MYO18A: variants seen among roughly 807,000 people sequenced by gnomAD.
MYO18A encodes the protein myosin XVIIIA, also known as unconventional myosin-XVIIIa.
MYO18A carries 78 observed loss-of-function variants against 235.8 expected under a neutral mutation model. That is an observed-to-expected ratio of 0.33 (90% CI 0.28 to 0.40). The LOEUF (loss-of-function observed/expected upper bound fraction) is 0.40. Among genes scored for constraint, MYO18A ranks in the 10% least tolerant of loss-of-function variants. MYO18A has a pLI of 1.00. For synonymous variants in MYO18A, 977 were observed against 1,077.8 expected (o/e 0.91, Z 1.83); for missense variants, 2,215 against 2,699.3 (o/e 0.82, Z 3.98).
At chr17:29,105,651 G>T (rs1413868254) in intron 20 of MYO18A, among the ~76,000 whole-genome samples, 1 of 152,166 alleles carries the variant, frequency 6.6e-6, no homozygotes, top group African/African-American at 2.4e-5. Flanking sequence ...AGATCTGAAG[G>T]CTGGGCATCT....
chr17:29,104,481 G>A (rs1172370271), intron 20 of MYO18A, among the ~76,000 whole-genome samples: 1 of 152,186 alleles, frequency 6.6e-6, no homozygotes, highest in Non-Finnish European at 1.5e-5. Context: ...GGCTTGTGGG[G>A]AGAATGAGTT....
At position 29,098,457 on chromosome 17, in the gene MYO18A, C is replaced by A. The variant is rs776987814; in HGVS notation, c.3781-12G>T. ...TGCTGGATCTCCTCCTAGGGTGGAC[C>A]AAAGAGGGCAAAGTGAGCCAAAGGC... On this transcript the variant is annotated splice_polypyrimidine_tract_variant and intron_variant, in intron 23 of 41. Transcript: ENST00000527372. 5.0e-6 allele frequency: 8 copies of A among 1,613,418 alleles called. No homozygotes were observed. In the South Asian group the frequency reaches 8.8e-5, roughly 18 times the overall value.
intron 7 of MYO18A, 116 bp from the exon 8 acceptor site, chr17:29,119,551 G>GC: frequency 1.8e-6 from 1 of 566,516 alleles, no homozygotes; most frequent in Admixed American, 3.9e-5. Flanking sequence ...ACAAGCAGCT[G>GC]CATTTTTTTT....
At chr17:29,094,159 G>GGC (rs1483260991) in intron 30 of MYO18A, 69 bp from the exon 31 acceptor site, 1 of 1,151,354 alleles carries the variant, frequency 8.7e-7, no homozygotes. Context: ...ACCTGTGCAT[G>GGC]GCTCTCCCTA....
intron 1 of MYO18A, among the ~76,000 whole-genome samples, chr17:29,179,621 C>T (rs1352711497): frequency 6.6e-6 from 1 of 152,172 alleles, no homozygotes; most frequent in East Asian, 1.9e-4. Flanking sequence ...CACCCCACCC[C>T]TCTGCAGGGA....
intron 1 of MYO18A, among the ~76,000 whole-genome samples, chr17:29,175,982 C>T (rs2068516234): frequency 6.6e-6 from 1 of 152,070 alleles, no homozygotes; most frequent in Non-Finnish European, 1.5e-5. Context: ...TGCTTGAACC[C>T]CGGAGGCGGA....
intron 37 of MYO18A, 130 bp downstream of exon 37, chr17:29,089,831 T>G: frequency 1.7e-6 from 2 of 1,211,990 alleles, no homozygotes; most frequent in Non-Finnish European, 2.3e-6. Context: ...GCCCGTCAGC[T>G]GGCCTGGCAG....
At chr17:29,107,246 C>T in intron 19 of MYO18A, 57 bp from the exon 20 acceptor site, 1 of 1,519,828 alleles carries the variant, frequency 6.6e-7, no homozygotes, top group Non-Finnish European at 9.1e-7. Flanking sequence ...CAGCACACCC[C>T]AGTAGCCACT....
At position 29,082,407 on chromosome 17, in the gene MYO18A, C is replaced by T; in HGVS notation, c.5929G>A (p.Glu1977Lys). ...EGDSDVDSELEDRVDGVKSWL... is the reference protein window; with the variant it reads ...EGDSDVDSELKDRVDGVKSWL... ...GACTTGACCCCGTCAACACGGTCCT[C>T]CAGCTCCGAGTCCACATCAGAGTCT... The change falls in exon 41 of 42, where the codon GAG (glutamate) becomes AAG (lysine). Residue 1977 changes from glutamate (E) to lysine (K), a missense_variant. Physicochemically the swap from Glu to Lys is moderately conservative, Grantham distance 56 (BLOSUM62 1). Coordinates refer to ENST00000527372, the MANE Select transcript of MYO18A (RefSeq NM_078471.4). The T allele has an allele frequency of 1.2e-6, 2 of 1,613,684 alleles. No individual in the cohort carries two copies. The highest frequency in any genetic ancestry group is 1.7e-6 in the Non-Finnish European group (2 of 1,179,866).
rs992232785 is a variant in MYO18A, at chr17:29,140,874, T to C, written c.1000-18621A>G. ...AGTGTTCTTGAGAACACCCAAATCA[T>C]AGGCCTACCCTAGCCATCTAATTAC... On this transcript the variant is annotated intron_variant, in intron 2 of 41. Coordinates refer to ENST00000527372, the MANE Select transcript of MYO18A (RefSeq NM_078471.4). This position sits in a 1 kb window ranked among gnomAD's most constrained non-coding sequence, Gnocchi z 4.2. Among the ~76,000 whole-genome samples, 10 of 152,106 alleles carry C rather than the reference T, an allele frequency of 6.6e-5. No homozygotes were observed. The highest frequency in any genetic ancestry group is 1.4e-4 in the African/African-American group (6 of 41,398).
At chr17:29,083,561 A>C (rs1353744005) in intron 40 of MYO18A, among the ~76,000 whole-genome samples, 9 of 98,490 alleles carry the variant, frequency 9.1e-5, no homozygotes, top group East Asian at 1.2e-3. Flanking sequence ...CACACACACG[A>C]AACCAGCAGA....
chr17:29,098,039 G>A, intron 25 of MYO18A, 66 bp downstream of exon 25: 1 of 1,593,722 alleles, frequency 6.3e-7, no homozygotes, highest in Non-Finnish European at 8.5e-7. Context: ...GTCTTTGGGG[G>A]GAGCCAATGG....
Position 29,109,840 on chromosome 17 carries a change from G to A in MYO18A, c.3331+18C>T, listed in dbSNP as rs752336343. On this transcript the variant is annotated intron_variant, in intron 19 of 41. Coordinates refer to ENST00000527372, the MANE Select transcript of MYO18A (RefSeq NM_078471.4). The surrounding 1 kb of genome is among the most constrained non-coding windows in gnomAD (Gnocchi z 4.1). ...TCTGGAAAAGAGAGCCCAGAGTGGA[G>A]AGGAAAGGAGGCCCCACCTTGGCGG... 2 of 1,546,788 alleles carry A rather than the reference G, an allele frequency of 1.3e-6. No individual in the cohort carries two copies. The highest frequency in any genetic ancestry group is 1.4e-5 in the African/African-American group (1 of 72,940).
At position 29,125,702 on chromosome 17, in the gene MYO18A, C is replaced by G. The variant is rs546431015; in HGVS notation, c.1000-3449G>C. On this transcript the variant is annotated intron_variant, in intron 2 of 41. Coordinates refer to ENST00000527372, the MANE Select transcript of MYO18A (RefSeq NM_078471.4). This position sits in a 1 kb window ranked among gnomAD's most constrained non-coding sequence, Gnocchi z 5.1. ...CCTCCCACATGCACAGGACTTTGGG[C>G]TCTCTGGAGGAACCACTCTCCCCAG... Among the ~76,000 whole-genome samples the G allele has an allele frequency of 1.3e-4, 20 of 152,360 alleles. No homozygotes were observed. Among genetic ancestry groups the G allele is most frequent in the Admixed American group, 5.2e-4 (8 of 15,306 alleles).
chr17:29,099,694 T>G lies in MYO18A; in HGVS notation c.3576A>C (p.Leu1192=). 1 of 1,613,676 alleles carries G rather than the reference T, an allele frequency of 6.2e-7. No individual in the cohort carries two copies. Among genetic ancestry groups the G allele is most frequent in the Non-Finnish European group, 8.5e-7 (1 of 1,179,870 alleles). ...CCCTGCAGGCTGCTTGGAACAGGGT[T>G]AGGTTCCTGCTGGTTTGTTCATCCC... ...EQRDEQTSRN[L]TLFQAACRGY... The change falls in exon 22 of 42, where the codon CTA becomes CTC. Residue 1192 remains leucine, a synonymous_variant. Coordinates refer to ENST00000527372, the MANE Select transcript of MYO18A (RefSeq NM_078471.4).
chr17:29,131,449 G>A, intron 2 of MYO18A: 5 of 985,700 alleles, frequency 5.1e-6, no homozygotes, highest in Non-Finnish European at 6.0e-6. Flanking sequence ...TAACCTGAGG[G>A]AGCAGATGAA....
intron 2 of MYO18A, among the ~76,000 whole-genome samples, chr17:29,152,611 C>T (rs2067982948): frequency 6.6e-6 from 1 of 152,200 alleles, no homozygotes; most frequent in South Asian, 2.1e-4. Context: ...GTGAGCAGAG[C>T]TGAGCCATTA....
In MYO18A at chr17:29,116,216, T is replaced by TA. The variant is rs374931023; in HGVS notation, c.2050+227dup. ...GAACCCCGTGTGCCTGTGGGGGACT[T>TA]ATCTTGAGAGATCGCTCATGCCTCC... On this transcript the variant is annotated intron_variant, in intron 11 of 41. Transcript: ENST00000527372. Among the ~76,000 whole-genome samples the TA allele has an allele frequency of 2.0e-3, 302 of 152,300 alleles. 2 individuals carry two copies. The highest frequency in any genetic ancestry group is 7.0e-3 in the African/African-American group (289 of 41,562).
At chr17:29,110,349 C>A in intron 18 of MYO18A, 87 bp downstream of exon 18, 1 of 1,435,422 alleles carries the variant, frequency 7.0e-7, no homozygotes, top group South Asian at 1.4e-5. Flanking sequence ...ACCAGATGGC[C>A]TCAGTGTGCT....
Sources: allele counts gnomAD v4.1 joint callset (sites outside exome capture counted in the v4.1 genomes callset), GRCh38; gene constraint gnomAD v4.1.1; non-coding constraint Gnocchi (gnomAD v3.1); transcripts MANE v1.5; gene names NCBI Gene and HGNC (gene_info 2026-07-23, HGNC 2026-07-21).